The following MYO1D variants were observed in gnomAD, a reference collection of about 807,000 sequenced individuals.
MYO1D encodes myosin ID, also known as unconventional myosin-Id.
A neutral mutation model predicts 122.0 loss-of-function variants in MYO1D; 83 were observed. The observed-to-expected ratio is 0.68, with a 90% confidence interval of 0.57 to 0.82. The LOEUF (loss-of-function observed/expected upper bound fraction) is 0.82. Ranked by LOEUF, MYO1D falls within the 40% of genes least tolerant of loss-of-function variation. The probability of loss-of-function intolerance (pLI) is 0.00; values close to 1 mark genes in which losing one functional copy is unlikely to be tolerated. For missense variants in MYO1D, 1,157 were observed against 1,269.5 expected, an observed-to-expected ratio of 0.91 and a Z score of 1.35; for synonymous variants, 464 against 446.9, an observed-to-expected ratio of 1.04 and a Z score of -0.48.
chr17:32,686,035 A>T (rs534550874), intron 16 of MYO1D, among the ~76,000 whole-genome samples: 1 of 152,356 alleles, frequency 6.6e-6, no homozygotes, highest in African/African-American at 2.4e-5. Flanking sequence ...GTCCTTAAAA[A>T]TTAGCCAAAA....
chr17:32,673,179 T>C (rs1302372151), intron 16 of MYO1D, among the ~76,000 whole-genome samples: 2 of 136,382 alleles, frequency 1.5e-5, no homozygotes, highest in Non-Finnish European at 3.1e-5. Flanking sequence ...TCTTGGCTCA[T>C]TGCAACCTCC....
At chr17:32,605,033 A>C in intron 21 of MYO1D, 54 bp downstream of exon 21, 1 of 1,476,652 alleles carries the variant, frequency 6.8e-7, no homozygotes, top group Non-Finnish European at 9.2e-7. Context: ...GATAATTACG[A>C]TTAAAGATTT....
At chr17:32,595,251 C>T (rs1364312721) in intron 21 of MYO1D, among the ~76,000 whole-genome samples, 4 of 152,056 alleles carry the variant, frequency 2.6e-5, no homozygotes, top group African/African-American at 9.7e-5. Flanking sequence ...ATATAGAACC[C>T]TATTCTGTAA....
At chr17:32,593,793 C>T (rs113711920) in intron 21 of MYO1D, among the ~76,000 whole-genome samples, 19,282 of 152,012 alleles carry the variant, frequency 0.13, 1,419 homozygotes, top group Middle Eastern at 0.23. Context: ...AAAAATTAGC[C>T]GGGCGTGGTG....
chr17:32,526,254 C>T (rs916812184), intron 21 of MYO1D, among the ~76,000 whole-genome samples: 2 of 152,210 alleles, frequency 1.3e-5, no homozygotes, highest in Non-Finnish European at 2.9e-5. Context: ...CACATAATAG[C>T]TCCTCTGTAA....
At chr17:32,545,191 G>A (rs1046698681) in intron 21 of MYO1D, among the ~76,000 whole-genome samples, 7 of 152,180 alleles carry the variant, frequency 4.6e-5, no homozygotes, top group African/African-American at 1.7e-4. Context: ...AGTCAGACTC[G>A]AGTTGGAGTC....
rs2089667974 is a variant in MYO1D at position 32,733,937 on chromosome 17, CA to C, written c.1746+4315del. On this transcript the variant is annotated intron_variant, in intron 14 of 21. Coordinates refer to ENST00000318217, the MANE Select transcript of MYO1D (RefSeq NM_015194.3). ...TATTCATATATTTTTGAGGTCTTTA[CA>C]TCTGTGTTTCTAAGTTAAATTGATC... 4.6e-5 allele frequency among the ~76,000 whole-genome samples: 7 copies of C among 152,234 alleles called. No homozygotes were observed. The South Asian group carries it at 1.2e-3, about 27-fold the overall frequency.
chr17:32,580,261 C>G (rs1401624248), intron 21 of MYO1D, among the ~76,000 whole-genome samples: 1 of 128,800 alleles, frequency 7.8e-6, no homozygotes, highest in African/African-American at 3.0e-5. Flanking sequence ...TTGTAGAAGT[C>G]CACTTCTATT....
At position 32,755,491 on chromosome 17, in the gene MYO1D, C is replaced by G; in HGVS notation, c.1467+1G>C. ...GAAGAAGGTGTCATTAAACACATTA[C>G]CTTTCGGCTGGAAAAATGGGCGTGT... On this transcript the variant is annotated splice_donor_variant, in intron 11 of 21. Transcript: ENST00000318217. LOFTEE classifies it high-confidence loss of function. 6.2e-7 allele frequency: 1 copy of G among 1,613,110 alleles called. No individual in the cohort carries two copies. The highest frequency in any genetic ancestry group is 8.5e-7 in the Non-Finnish European group (1 of 1,179,384).
intron 1 of MYO1D, among the ~76,000 whole-genome samples, chr17:32,843,855 C>T (rs1220235870): frequency 6.6e-6 from 1 of 152,124 alleles, no homozygotes; most frequent in Non-Finnish European, 1.5e-5. Flanking sequence ...CTCTTATTCT[C>T]TGTTGAAATA....
At chr17:32,513,099 G>A (rs1324282944) in intron 21 of MYO1D, 3 of 152,246 alleles carry the variant, frequency 2.0e-5, no homozygotes, top group Non-Finnish European at 2.9e-5. Context: ...TAAGCTCCAT[G>A]GGAAGGGGGA....
At chr17:32,762,941 C>T (rs1327265799) in intron 8 of MYO1D, among the ~76,000 whole-genome samples, 1 of 151,094 alleles carries the variant, frequency 6.6e-6, no homozygotes, top group Non-Finnish European at 1.5e-5. Context: ...AATCCCAGCA[C>T]TTTGGGAGGC....
At position 32,721,064 on chromosome 17, in the gene MYO1D, T is replaced by C; in HGVS notation, c.1872A>G (p.Ala624=). 6.2e-7 allele frequency: 1 copy of C among 1,614,222 alleles called. No individual in the cohort carries two copies. Among genetic ancestry groups the C allele is most frequent in the Admixed American group, 1.7e-5 (1 of 60,026 alleles). ...CGTATGTCTGGCGGAAGGCAAATCC[T>C]GCCCGACGCACTCTCACATTTTCCA... ...GLLENVRVRR[A]GFAFRQTYEK... Residue 624 remains alanine, a synonymous_variant, in exon 15 of 22, where the codon GCA becomes GCG. Coordinates refer to ENST00000318217, the MANE Select transcript of MYO1D (RefSeq NM_015194.3).
chr17:32,581,389 T>C (rs557487985), intron 21 of MYO1D, among the ~76,000 whole-genome samples: 72 of 152,288 alleles, frequency 4.7e-4, no homozygotes, highest in African/African-American at 1.5e-3. Flanking sequence ...TGTTTGCTAT[T>C]GTTTTTCTGA....
At chr17:32,855,183 G>A (rs1482223164) in intron 1 of MYO1D, among the ~76,000 whole-genome samples, 1 of 152,048 alleles carries the variant, frequency 6.6e-6, no homozygotes, top group Non-Finnish European at 1.5e-5. Flanking sequence ...AGGACTCCTT[G>A]TGGCCTTTTT....
chr17:32,762,336 C>A (rs1347068067), intron 8 of MYO1D, among the ~76,000 whole-genome samples: 1 of 152,022 alleles, frequency 6.6e-6, no homozygotes, highest in Non-Finnish European at 1.5e-5. Flanking sequence ...GGAGCCAGAC[C>A]ATGTTAAAGT....
chr17:32,676,651 C>T (rs539405409), intron 16 of MYO1D, among the ~76,000 whole-genome samples: 1 of 152,166 alleles, frequency 6.6e-6, no homozygotes, highest in African/African-American at 2.4e-5. Context: ...CTCACAACCA[C>T]AAGGGGGAGC....
intron 16 of MYO1D, among the ~76,000 whole-genome samples, chr17:32,686,006 T>C (rs2089000187): frequency 6.6e-6 from 1 of 152,214 alleles, no homozygotes; most frequent in African/African-American, 2.4e-5. Context: ...TTTAGAGTGA[T>C]GTGGTAGGCT....
At chr17:32,555,471 T>A (rs553932076) in intron 21 of MYO1D, among the ~76,000 whole-genome samples, 1 of 152,148 alleles carries the variant, frequency 6.6e-6, no homozygotes, top group Non-Finnish European at 1.5e-5. Context: ...TACTTGTGTA[T>A]ATTTTCTAAA....
Sources: gnomAD v4.1 joint callset for allele counts (sites outside exome capture counted in the v4.1 genomes callset) on GRCh38, gnomAD v4.1.1 for gene constraint, MANE v1.5 for transcripts, NCBI Gene and HGNC (gene_info 2026-07-23, HGNC 2026-07-21) for gene names.